The following KIRREL3 variants were observed in gnomAD, a reference collection of about 807,000 sequenced individuals.
KIRREL3 encodes kin of IRRE-like protein 3.
KIRREL3 carries 36 observed loss-of-function variants against 89.7 expected under a neutral mutation model. The observed-to-expected ratio is 0.40, with a 90% confidence interval of 0.31 to 0.53. KIRREL3 has a LOEUF of 0.53. Ranked by LOEUF, KIRREL3 falls within the 20% of genes least tolerant of loss-of-function variation. The pLI, the probability that KIRREL3 is intolerant of heterozygous loss-of-function variation, is 0.49. For synonymous variants in KIRREL3, 445 were observed against 441.4 expected, an observed-to-expected ratio of 1.01 and a Z score of -0.10; for missense variants, 864 against 1,056.6, an observed-to-expected ratio of 0.82 and a Z score of 2.53.
rs1262739483 is a variant in KIRREL3, at chr11:126,682,403, G to T, written c.56-119491C>A. Among the ~76,000 whole-genome samples, 1 of 152,118 alleles carries T rather than the reference G, an allele frequency of 6.6e-6. No homozygotes were observed. Among genetic ancestry groups the T allele is most frequent in the Non-Finnish European group, 1.5e-5 (1 of 68,012 alleles). ...ATCCTCCTCCCAGTGTTGCTGGGAG[G>T]ATGAAGTGAGATGAATCTGGTGATA... On this transcript the variant is annotated intron_variant, in intron 1 of 16. Coordinates refer to ENST00000525144, the MANE Select transcript of KIRREL3 (RefSeq NM_032531.4). This position sits in a 1 kb window ranked among gnomAD's most constrained non-coding sequence, Gnocchi z 4.8.
In KIRREL3 at chr11:126,521,212, C is replaced by A. The variant is rs1406776579; in HGVS notation, c.433+103G>T. The A allele has an allele frequency of 9.5e-6, 12 of 1,267,378 alleles. No homozygotes were observed. The highest frequency in any genetic ancestry group is 1.3e-5 in the Non-Finnish European group (12 of 957,068). The allele number at this position is 1,267,378 out of a possible 1,614,324, so 78.5% of individuals were successfully genotyped here. ...TGTCTGGAGCCCTGTGGGATGATCC[C>A]CAGAGGGGAGTCTCCCCATGTCTGA... On this transcript the variant is annotated intron_variant, in intron 4 of 16. Transcript: ENST00000525144. This position sits in a 1 kb window ranked among gnomAD's most constrained non-coding sequence, Gnocchi z 4.1.
chr11:126,751,390 C>G (rs369010163), intron 1 of KIRREL3, among the ~76,000 whole-genome samples: 8 of 152,222 alleles, frequency 5.3e-5, no homozygotes, highest in Non-Finnish European at 1.0e-4. Context: ...CTAAGGAGAA[C>G]AGCTGGGAAG....
At chr11:126,461,476 G>A (rs1480633687) in intron 6 of KIRREL3, among the ~76,000 whole-genome samples, 6 of 152,198 alleles carry the variant, frequency 3.9e-5, no homozygotes, top group African/African-American at 1.4e-4. Flanking sequence ...TGTGAATGAG[G>A]ATGCCAGAAG....
At chr11:126,741,254 G>A (rs1195352571) in intron 1 of KIRREL3, among the ~76,000 whole-genome samples, 1 of 152,122 alleles carries the variant, frequency 6.6e-6, no homozygotes, top group Non-Finnish European at 1.5e-5. Context: ...TGCCCATAAT[G>A]CTGCTCACCC....
intron 1 of KIRREL3, among the ~76,000 whole-genome samples, chr11:126,572,878 C>T (rs562820742): frequency 6.6e-6 from 1 of 152,308 alleles, no homozygotes; most frequent in African/African-American, 2.4e-5. Context: ...CAGGGCCACA[C>T]GCTGACTTTA....
rs141432825 is a variant in KIRREL3, at chr11:126,967,535, C to A, written c.55+32920G>T. Among the ~76,000 whole-genome samples, 505 of 152,232 alleles carry A rather than the reference C, an allele frequency of 3.3e-3. 2 individuals are homozygous for A. The highest frequency in any genetic ancestry group is 7.5e-3 in the South Asian group (36 of 4,814). ...TATTTGAAAAATCTCCACATCTCAG[C>A]TGATCTTCACAGTAACCCCGAGAAA... On this transcript the variant is annotated intron_variant, in intron 1 of 16. Transcript: ENST00000525144.
rs571253268 is a variant in KIRREL3 at position 126,807,884 on chromosome 11, G to A, written c.55+192571C>T. The stretch of plus-strand genomic sequence containing the variant: ...ATAATAGTCCTCATAGGAAGGTGAC[G>A]AAAGGAAGCTCAAGTTGTGTGACTA... On this transcript the variant is annotated intron_variant, in intron 1 of 16. Transcript: ENST00000525144. The surrounding 1 kb of genome is among the most constrained non-coding windows in gnomAD (Gnocchi z 4.3). 1.3e-5 allele frequency among the ~76,000 whole-genome samples: 2 copies of A among 152,122 alleles called. No homozygotes were observed. The highest frequency in any genetic ancestry group is 1.9e-4 in the East Asian group (1 of 5,202).
At chr11:126,988,841 G>C (rs758061126) in intron 1 of KIRREL3, among the ~76,000 whole-genome samples, 3 of 152,204 alleles carry the variant, frequency 2.0e-5, no homozygotes, top group Non-Finnish European at 4.4e-5. Context: ...TCCCCATTCA[G>C]CAATCACAAG....
chr11:126,825,429 C>A (rs1422164325), intron 1 of KIRREL3, among the ~76,000 whole-genome samples: 1 of 152,150 alleles, frequency 6.6e-6, no homozygotes, highest in East Asian at 1.9e-4. Context: ...AATGTGCCTT[C>A]TTCTTTATTA....
chr11:126,475,437 G>C lies in KIRREL3; in HGVS notation c.434-1971C>G, dbSNP rs1316111848. Among the ~76,000 whole-genome samples the C allele has an allele frequency of 6.6e-6, 1 of 152,178 alleles. No homozygotes were observed. Among genetic ancestry groups the C allele is most frequent in the Non-Finnish European group, 1.5e-5 (1 of 68,036 alleles). On this transcript the variant is annotated intron_variant, in intron 4 of 16. Coordinates refer to ENST00000525144, the MANE Select transcript of KIRREL3 (RefSeq NM_032531.4). The surrounding 1 kb of genome is among the most constrained non-coding windows in gnomAD (Gnocchi z 7.5). ...AGCAAACCTTCAGAACAGCTGCCTT[G>C]CCCTCCCTGCCCGGCCTTGGAGGCC...
intron 1 of KIRREL3, among the ~76,000 whole-genome samples, chr11:126,866,348 A>AT (rs1414406322): frequency 2.0e-5 from 3 of 152,194 alleles, no homozygotes; most frequent in African/African-American, 7.2e-5. Flanking sequence ...TAGTCTCCTC[A>AT]TTCCCAGGTC....
At chr11:126,884,034 T>C (rs1337545777) in intron 1 of KIRREL3, among the ~76,000 whole-genome samples, 1 of 152,338 alleles carries the variant, frequency 6.6e-6, no homozygotes, top group East Asian at 1.9e-4. Flanking sequence ...CAATGATCCT[T>C]ATGATGCTTT....
intron 1 of KIRREL3, among the ~76,000 whole-genome samples, chr11:126,691,881 G>A (rs997474400): frequency 6.6e-6 from 1 of 152,216 alleles, no homozygotes; most frequent in African/African-American, 2.4e-5. Flanking sequence ...TTTCTCCAAA[G>A]ATGATTTACA....
rs561541212 is a variant in KIRREL3 at position 126,842,973 on chromosome 11, G to A, written c.55+157482C>T. ...GATTTTTTTTTTTCTTTCTGTAAAT[G>A]CAGGGCCTTTACTTGGTGCTGTGAG... On this transcript the variant is annotated intron_variant, in intron 1 of 16. Coordinates refer to ENST00000525144, the MANE Select transcript of KIRREL3 (RefSeq NM_032531.4). Among the ~76,000 whole-genome samples the A allele has an allele frequency of 5.3e-5, 8 of 151,720 alleles. No homozygotes were observed. In the East Asian group the frequency reaches 1.6e-3, roughly 29 times the overall value.
Position 126,530,808 on chromosome 11 carries a change from C to T in KIRREL3, c.134-4121G>A, listed in dbSNP as rs1385211495. ...GTGAAGCCTTGGCGGCCGGTGCAATCTCCCCTTCCCATACTTTATTTTTAT... is the reference window on the plus strand; with the variant it reads ...GTGAAGCCTTGGCGGCCGGTGCAATTTCCCCTTCCCATACTTTATTTTTAT... On this transcript the variant is annotated intron_variant, in intron 2 of 16. Coordinates refer to ENST00000525144, the MANE Select transcript of KIRREL3 (RefSeq NM_032531.4). This position sits in a 1 kb window ranked among gnomAD's most constrained non-coding sequence, Gnocchi z 5.8. Among the ~76,000 whole-genome samples the T allele has an allele frequency of 2.0e-5, 3 of 152,100 alleles. No homozygotes were observed. Among genetic ancestry groups the T allele is most frequent in the Non-Finnish European group, 4.4e-5 (3 of 68,010 alleles).
chr11:126,502,590 CAATA>C (rs1403279795), intron 4 of KIRREL3, among the ~76,000 whole-genome samples: 1 of 152,160 alleles, frequency 6.6e-6, no homozygotes, highest in Non-Finnish European at 1.5e-5. Context: ...TCTCTCTAGT[CAATA>C]AATAAGTGGG....
intron 7 of KIRREL3, among the ~76,000 whole-genome samples, chr11:126,451,044 A>AGCATGTGCATGTGTGCAT (rs1303195148): frequency 4.5e-3 from 527 of 118,136 alleles, no homozygotes; most frequent in African/African-American, 0.016. Flanking sequence ...TACATGTGTG[A>AGCATGTGCATGTGTGCAT]GCATGTGCAT....
Position 126,977,483 on chromosome 11 carries a change from T to C in KIRREL3, c.55+22972A>G, listed in dbSNP as rs1213534266. Among the ~76,000 whole-genome samples the C allele has an allele frequency of 6.6e-6, 1 of 152,208 alleles. No homozygotes were observed. Among genetic ancestry groups the C allele is most frequent in the Non-Finnish European group, 1.5e-5 (1 of 68,048 alleles). ...GCCATGCCCAGTGTCCTGTTTTTATTATGAATTCCTAAGATTAGCATCCAC... is the reference window on the plus strand; with the variant it reads ...GCCATGCCCAGTGTCCTGTTTTTATCATGAATTCCTAAGATTAGCATCCAC... On this transcript the variant is annotated intron_variant, in intron 1 of 16. Transcript: ENST00000525144. The surrounding 1 kb of genome is among the most constrained non-coding windows in gnomAD (Gnocchi z 4.7).
intron 1 of KIRREL3, among the ~76,000 whole-genome samples, chr11:126,670,068 A>G (rs1357915305): frequency 6.6e-6 from 1 of 152,140 alleles, no homozygotes; most frequent in Admixed American, 6.6e-5. Flanking sequence ...TTCAAGATAC[A>G]TCCAGAATCT....
Sources: allele counts gnomAD v4.1 joint callset (sites outside exome capture counted in the v4.1 genomes callset), GRCh38; gene constraint gnomAD v4.1.1; non-coding constraint Gnocchi (gnomAD v3.1); transcripts MANE v1.5; gene names NCBI Gene and HGNC (gene_info 2026-07-23, HGNC 2026-07-21).